Variants in ZNF106 observed in about 807,000 individuals in gnomAD.
The protein encoded by ZNF106 is SH3-domain binding protein 3.
Under a neutral mutation model 195.1 loss-of-function variants are expected in ZNF106, and 67 were observed. The ratio of observed to expected loss-of-function variants is 0.34; its 90% confidence interval spans 0.28 to 0.42. The LOEUF is 0.42. Among genes scored for constraint, ZNF106 ranks in the 10% least tolerant of loss-of-function variants. ZNF106 has a pLI of 1.00. For synonymous variants in ZNF106, 784 were observed against 818.6 expected, an observed-to-expected ratio of 0.96 and a Z score of 0.72; for missense variants, 2,118 against 2,304.5, an observed-to-expected ratio of 0.92 and a Z score of 1.66.
chr15:42,454,216 T>C (rs1377550500), intron 4 of ZNF106, among the ~76,000 whole-genome samples: 1 of 152,254 alleles, frequency 6.6e-6, no homozygotes, highest in Non-Finnish European at 1.5e-5. Flanking sequence ...AAAGTCTATT[T>C]AGAAGTTCAA....
chr15:42,469,134 G>A (rs1406769358), intron 2 of ZNF106, among the ~76,000 whole-genome samples: 7 of 151,684 alleles, frequency 4.6e-5, no homozygotes, highest in Admixed American at 1.3e-4. Flanking sequence ...GCAGTGAGCC[G>A]AGGTCACACC....
rs117563212 is a variant in ZNF106 at position 42,421,097 on chromosome 15, G to A, written c.5481C>T (p.Ala1827=). Residue 1827 remains alanine (A), a synonymous_variant, in exon 20 of 22, where the codon GCC becomes GCT. Transcript: ENST00000564754. Reference sequence around the variant, plus strand: ...AATTCTGCATCAGATTAAGCCTCACGGCCTGAATACTGCCATCATAACAGC... The same window carrying A: ...AATTCTGCATCAGATTAAGCCTCACAGCCTGAATACTGCCATCATAACAGC... The part of the protein sequence containing the change: ...YTGCYDGSIQ[A]VRLNLMQNYR... 2,059 of 1,614,026 alleles carry A rather than the reference G, an allele frequency of 1.3e-3. 3 individuals carry two copies. Among genetic ancestry groups the A allele is most frequent in the Non-Finnish European group, 1.6e-3 (1,833 of 1,180,004 alleles).
rs1257963697 is a variant in ZNF106, at chr15:42,422,433, A to T, written c.5373+68T>A. On this transcript the variant is annotated intron_variant, in intron 18 of 21. Transcript: ENST00000564754. ...TCCATCCCACCTTACTGTATCAAAA[A>T]TCAACACTAAACCCAAATAGACAAT... 3 of 1,560,578 alleles carry T rather than the reference A, an allele frequency of 1.9e-6. 1 individual carries two copies. In the African/African-American group the frequency reaches 4.1e-5, roughly 21 times the overall value.
In ZNF106 at chr15:42,450,422, G is replaced by C. The variant is rs140004431; in HGVS notation, c.1850C>G (p.Thr617Arg). The stretch of plus-strand genomic sequence containing the variant: ...TGTTCCATGCTTTTCCGTGTCAGAT[G>C]TCTCTCCATCACTTTCATCTTCTAG... ...HALEDESDGE[T>R]SDTEKHGTKI... Residue 617 changes from threonine (T) to arginine (R), a missense_variant, in exon 5 of 22, where the codon ACA (threonine) becomes AGA (arginine). Thr to Arg is a moderately conservative substitution (Grantham distance 71, BLOSUM62 -1). Transcript: ENST00000564754. 6.2e-7 allele frequency: 1 copy of C among 1,614,130 alleles called. No individual in the cohort carries two copies. Among genetic ancestry groups the C allele is most frequent in the Non-Finnish European group, 8.5e-7 (1 of 1,180,032 alleles).
In ZNF106 at chr15:42,457,135, A is replaced by G. The variant is rs1394927090; in HGVS notation, c.140T>C (p.Val47Ala). ...KGRDISHECRVCGVTEVGLSA... is the reference protein window; with the variant it reads ...KGRDISHECRACGVTEVGLSA... Reference sequence around the variant, plus strand: ...AAGACCCACTTCTGTGACCCCGCACACTCGGCACTCATGACTAATGTCCCT... The same window carrying G: ...AAGACCCACTTCTGTGACCCCGCACGCTCGGCACTCATGACTAATGTCCCT... The change falls in exon 4 of 22, where the codon GTG becomes GCG. Residue 47 changes from valine (V) to alanine (A), a missense_variant. Val to Ala is a moderately conservative substitution (Grantham distance 64). Coordinates refer to ENST00000564754, the MANE Select transcript of ZNF106 (RefSeq NM_001366845.3). 3 of 1,614,128 alleles carry G rather than the reference A, an allele frequency of 1.9e-6. No homozygotes were observed. Among genetic ancestry groups the G allele is most frequent in the Admixed American group, 1.7e-5 (1 of 60,004 alleles).
At chr15:42,490,753 G>A (rs1177139575) in intron 1 of ZNF106, among the ~76,000 whole-genome samples, 1 of 152,174 alleles carries the variant, frequency 6.6e-6, no homozygotes, top group Admixed American at 6.5e-5. Context: ...GCTGGGAGCA[G>A]AGCTGGAACG....
Position 42,439,712 on chromosome 15 carries a change from A to T in ZNF106, c.3865T>A (p.Phe1289Ile), listed in dbSNP as rs780107975. 3 of 1,613,848 alleles carry T rather than the reference A, an allele frequency of 1.9e-6. No individual in the cohort carries two copies. Among genetic ancestry groups the T allele is most frequent in the African/African-American group, 2.7e-5 (2 of 74,894 alleles). Residue 1289 changes from phenylalanine to isoleucine, a missense_variant, in exon 11 of 22, where the codon TTT (phenylalanine) becomes ATT (isoleucine). Phe to Ile is a conservative substitution (Grantham distance 21, BLOSUM62 0). Transcript: ENST00000564754. ...SFHEPSQELK[F>I]SVEQRNTRNR... ...CTGGTATTTCTTTGCTCCACAGAAAACTTCAGTTCTTGGCTAGGCTCATGG... is the reference window on the plus strand; with the variant it reads ...CTGGTATTTCTTTGCTCCACAGAAATCTTCAGTTCTTGGCTAGGCTCATGG...
chr15:42,478,005 A>G (rs565188471), intron 1 of ZNF106, among the ~76,000 whole-genome samples: 1 of 151,910 alleles, frequency 6.6e-6, no homozygotes, highest in African/African-American at 2.4e-5. Context: ...TTTGAGACAG[A>G]GTCTCACTCT....
chr15:42,468,396 G>A (rs1012031644), intron 2 of ZNF106, among the ~76,000 whole-genome samples: 1 of 151,496 alleles, frequency 6.6e-6, no homozygotes, highest in East Asian at 2.0e-4. Context: ...TCTTTTAAAT[G>A]GCAATTTTAC....
intron 16 of ZNF106, 62 bp downstream of exon 16, chr15:42,424,772 G>T: frequency 6.6e-7 from 1 of 1,526,030 alleles, no homozygotes; most frequent in Non-Finnish European, 8.9e-7. Context: ...GAGCCACCTC[G>T]CCTGGCCTCA....
At chr15:42,461,062 G>A (rs967952007) in intron 3 of ZNF106, among the ~76,000 whole-genome samples, 1 of 152,040 alleles carries the variant, frequency 6.6e-6, no homozygotes, top group Non-Finnish European at 1.5e-5. Context: ...GCGTTTTCAG[G>A]AGATGTGGTT....
intron 12 of ZNF106, among the ~76,000 whole-genome samples, chr15:42,438,116 G>A (rs1285640697): frequency 3.9e-5 from 6 of 152,056 alleles, no homozygotes; most frequent in Non-Finnish European, 8.8e-5. Context: ...GCCAGGCATG[G>A]TGGCTCACGC....
chr15:42,488,810 C>T (rs1392722768), intron 1 of ZNF106, among the ~76,000 whole-genome samples: 1 of 152,164 alleles, frequency 6.6e-6, no homozygotes, highest in African/African-American at 2.4e-5. Flanking sequence ...GGCACTGTGG[C>T]TCACACCTGT....
rs191528310 is a variant in ZNF106, at chr15:42,474,031, G to A, written c.-32-1710C>T. The stretch of plus-strand genomic sequence containing the variant: ...CCACTGAGTACCCAAACAACAAGCA[G>A]GACCAACTGACAGCCAGAAGCGTGA... On this transcript the variant is annotated intron_variant, in intron 1 of 21. Coordinates refer to ENST00000564754, the MANE Select transcript of ZNF106 (RefSeq NM_001366845.3). Among the ~76,000 whole-genome samples, 10 of 152,218 alleles carry A rather than the reference G, an allele frequency of 6.6e-5. No homozygotes were observed. The East Asian group carries it at 1.7e-3, about 26-fold the overall frequency.
At position 42,417,092 on chromosome 15, in the gene ZNF106, T is replaced by G; in HGVS notation, c.*212A>C. 1.9e-6 allele frequency: 1 copy of G among 540,276 alleles called. No homozygotes were observed. The highest frequency in any genetic ancestry group is 3.3e-6 in the Non-Finnish European group (1 of 303,958). 33.5% of individuals were successfully genotyped at this position (540,276 alleles called of 1,614,324 possible). On this transcript the variant is annotated 3_prime_UTR_variant, in exon 22 of 22. Transcript: ENST00000564754. ...CCCAGAGAAGTATGGTTCCTTAACA[T>G]TTGTCTAAATCTATTTAAAACCTCC...
chr15:42,415,930 C>G lies in ZNF106; in HGVS notation c.*1374G>C, dbSNP rs150615965. On this transcript the variant is annotated 3_prime_UTR_variant, in exon 22 of 22. Transcript: ENST00000564754. ...TATTTTTAGTAGAGACGGGGTTTTG[C>G]CATGTTGGCCAGGCTGGTCTGCAAC... 1 of 152,460 alleles carries G rather than the reference C, an allele frequency of 6.6e-6. No homozygotes were observed. Among genetic ancestry groups the G allele is most frequent in the African/African-American group, 2.4e-5 (1 of 41,364 alleles). The allele number at this position is 152,460 out of a possible 1,614,324, so 9.4% of individuals were successfully genotyped here.
rs1478904102 is a variant in ZNF106, at chr15:42,451,739, C to T, written c.533G>A (p.Gly178Asp). The change falls in exon 5 of 22, where the codon GGT (glycine) becomes GAT (aspartate). Residue 178 changes from glycine (G) to aspartate (D), a missense_variant. Physicochemically the swap from Gly to Asp is moderately conservative, Grantham distance 94 (BLOSUM62 -1). Coordinates refer to ENST00000564754, the MANE Select transcript of ZNF106 (RefSeq NM_001366845.3). ...CCACCCGGAACGTCCTCTTGGTCCA[C>T]CACCATTCCTCAAAGAATGTGGAAA... Reference protein sequence around the residue: ...NSFPHSLRNGGGPRGRSGWHK... With the variant: ...NSFPHSLRNGDGPRGRSGWHK... 1 of 1,614,228 alleles carries T rather than the reference C, an allele frequency of 6.2e-7. No individual in the cohort carries two copies. Among genetic ancestry groups the T allele is most frequent in the South Asian group, 1.1e-5 (1 of 91,086 alleles).
At chr15:42,427,814 TC>T (rs2054909125) in intron 15 of ZNF106, 2 of 410,218 alleles carry the variant, frequency 4.9e-6, no homozygotes. Context: ...TACATTTTGG[TC>T]CTGGAACATT....
At chr15:42,473,256 A>T (rs1203870935) in intron 1 of ZNF106, among the ~76,000 whole-genome samples, 3 of 152,176 alleles carry the variant, frequency 2.0e-5, no homozygotes, top group Admixed American at 6.6e-5. Flanking sequence ...TTTTGGTCCC[A>T]AGCATTTCGG....
Sources: gnomAD v4.1 joint callset for allele counts (sites outside exome capture counted in the v4.1 genomes callset) on GRCh38, gnomAD v4.1.1 for gene constraint, MANE v1.5 for transcripts, NCBI Gene and HGNC (gene_info 2026-07-23, HGNC 2026-07-21) for gene names.